Variants in ZFYVE26 observed in about 807,000 individuals in gnomAD.
ZFYVE26 encodes the protein zinc finger FYVE-type containing 26.
In ZFYVE26, 181 loss-of-function variants were observed where a neutral mutation model predicts 276.5. That is an observed-to-expected ratio of 0.65 (90% CI 0.58 to 0.74). The LOEUF is 0.74. Ranked by LOEUF, ZFYVE26 falls within the 30% of genes least tolerant of loss-of-function variation. ZFYVE26 has a pLI of 0.00. For missense variants in ZFYVE26, 2,821 were observed against 3,097.9 expected, an observed-to-expected ratio of 0.91 and a Z score of 2.12; for synonymous variants, 1,129 against 1,203.1, an observed-to-expected ratio of 0.94 and a Z score of 1.27.
chr14:67,741,242 G>A lies in ZFYVE26; in HGVS notation n.2679+9810C>T, dbSNP rs143132042. Among the ~76,000 whole-genome samples the A allele has an allele frequency of 2.3e-3, 350 of 152,298 alleles. 1 individual carries two copies. Among genetic ancestry groups the A allele is most frequent in the African/African-American group, 8.1e-3 (335 of 41,564 alleles). On this transcript the variant is annotated intron_variant and non_coding_transcript_variant, in intron 13 of 14. Coordinates refer to the ZFYVE26 transcript ENST00000394455. ...CACCTAAACAGTGTTAATCATGAGAGTAAATGTTTAGGGTATCAGGTTATG... is the reference window on the plus strand; with the variant it reads ...CACCTAAACAGTGTTAATCATGAGAATAAATGTTTAGGGTATCAGGTTATG...
chr14:67,804,742 G>T (rs886360151), intron 8 of ZFYVE26, among the ~76,000 whole-genome samples: 1 of 152,236 alleles, frequency 6.6e-6, no homozygotes, highest in Non-Finnish European at 1.5e-5. Flanking sequence ...GTAAGCATTT[G>T]TTGAATAAAA....
intron 13 of ZFYVE26, among the ~76,000 whole-genome samples, chr14:67,731,215 T>C (rs1434626063): frequency 8.5e-5 from 12 of 140,470 alleles, no homozygotes; most frequent in African/African-American, 2.7e-4. Flanking sequence ...TTCTTTTTTT[T>C]TTTTTTTTTT....
At chr14:67,815,462 T>A in intron 2 of ZFYVE26, 1 of 399,160 alleles carries the variant, frequency 2.5e-6, no homozygotes, top group Non-Finnish European at 4.7e-6. Context: ...TTTGCTTTTT[T>A]GGAGGCAAAG....
Position 67,785,105 on chromosome 14 carries a change from G to A in ZFYVE26, c.3477C>T (p.Cys1159=). The change falls in exon 19 of 42, where the codon TGC becomes TGT. Residue 1159 remains cysteine (C), a synonymous_variant. Coordinates refer to ENST00000347230, the MANE Select transcript of ZFYVE26 (RefSeq NM_015346.4). ...MDYLGTFFSY[C]STLAAVLLQS... ...GAAGGAGAACTGCAGCAAGGGTGCT[G>A]CAGTAACTGAAGAAGGTGCCCAAGT... 1 of 1,614,240 alleles carries A rather than the reference G, an allele frequency of 6.2e-7. No homozygotes were observed. The highest frequency in any genetic ancestry group is 8.5e-7 in the Non-Finnish European group (1 of 1,180,042).
rs762917905 is a variant in ZFYVE26 at position 67,783,127 on chromosome 14, C to A, written c.4025G>T (p.Arg1342Leu). The A allele has an allele frequency of 2.5e-5, 40 of 1,608,294 alleles. No individual in the cohort carries two copies. Among genetic ancestry groups the A allele is most frequent in the Non-Finnish European group, 3.4e-5 (40 of 1,176,094 alleles). The change falls in exon 21 of 42, where the codon CGC (arginine) becomes CTC (leucine). Residue 1342 changes from arginine to leucine, a missense_variant. Physicochemically the swap from Arg to Leu is moderately radical, Grantham distance 102. Coordinates refer to ENST00000347230, the MANE Select transcript of ZFYVE26 (RefSeq NM_015346.4). ...CTCTGCAGCCAGAGGCACCTCCCTGCGGCCACGAAGTTCCTTCCATGACAA... is the reference window on the plus strand; with the variant it reads ...CTCTGCAGCCAGAGGCACCTCCCTGAGGCCACGAAGTTCCTTCCATGACAA... Reference protein sequence around the residue: ...PSLSWKELRGRREVPLAAEQV... With the variant: ...PSLSWKELRGLREVPLAAEQV...
At chr14:67,804,385 C>A in intron 8 of ZFYVE26, 121 bp from the exon 9 acceptor site, 1 of 1,262,264 alleles carries the variant, frequency 7.9e-7, no homozygotes, top group Non-Finnish European at 1.1e-6. Context: ...CTTCCCTTCC[C>A]TACAATCTAA....
chr14:67,768,499 A>G lies in ZFYVE26; in HGVS notation c.5653+18T>C, dbSNP rs2039118315. 1 of 1,613,860 alleles carries G rather than the reference A, an allele frequency of 6.2e-7. No individual in the cohort carries two copies. ...AGTACACAAATGAAGAGTCACAGAG[A>G]ACGGGATTTGGCCTTACCTTCTGGT... On this transcript the variant is annotated intron_variant, in intron 30 of 41. Transcript: ENST00000347230.
Position 67,786,189 on chromosome 14 carries a change from C to A in ZFYVE26, c.3064G>T (p.Gly1022Cys). ...HVLLNADGIR[G>C]FPVVLQQISK... ...ATTTGCTGAAGAACAACTGGAAAAC[C>A]TCGAATGCCATCAGCATTTAGGAGT... The change falls in exon 17 of 42, where the codon GGT (glycine) becomes TGT (cysteine). Residue 1022 changes from glycine (G) to cysteine (C), a missense_variant. Coordinates refer to ENST00000347230, the MANE Select transcript of ZFYVE26 (RefSeq NM_015346.4). 1 of 1,607,606 alleles carries A rather than the reference C, an allele frequency of 6.2e-7. No individual in the cohort carries two copies. Among genetic ancestry groups the A allele is most frequent in the Non-Finnish European group, 8.5e-7 (1 of 1,178,552 alleles).
At chr14:67,815,489 C>T in intron 2 of ZFYVE26, 1 of 465,130 alleles carries the variant, frequency 2.1e-6, no homozygotes. Context: ...GTTTTCAATG[C>T]AGTTCCACCA....
At chr14:67,756,521 G>T in intron 35 of ZFYVE26, 2 of 240,896 alleles carry the variant, frequency 8.3e-6, no homozygotes, top group East Asian at 1.0e-4. Flanking sequence ...TTTTCTATCT[G>T]ATCAATCAGC....
At chr14:67,815,705 T>C (rs1189048987) in intron 2 of ZFYVE26, 65 bp downstream of exon 2, 1 of 1,532,176 alleles carries the variant, frequency 6.5e-7, no homozygotes, top group Admixed American at 1.7e-5. Context: ...CATTGACCAA[T>C]GCCCAAATAT....
At chr14:67,799,214 A>T (rs904327330) in intron 10 of ZFYVE26, 1 of 1,612,544 alleles carries the variant, frequency 6.2e-7, no homozygotes, top group African/African-American at 1.3e-5. Context: ...GCTGGCTGAT[A>T]TTAAACAGGC....
rs1060500989 is a variant in ZFYVE26 at position 67,785,112 on chromosome 14, C to G, written c.3470G>C (p.Ser1157Thr). The change falls in exon 19 of 42, where the codon AGT becomes ACT. Residue 1157 changes from serine (S) to threonine (T), a missense_variant. Physicochemically the swap from Ser to Thr is moderately conservative, Grantham distance 58. Transcript: ENST00000347230. ...RQMDYLGTFFSYCSTLAAVLL... is the reference protein window; with the variant it reads ...RQMDYLGTFFTYCSTLAAVLL... ...AACTGCAGCAAGGGTGCTGCAGTAA[C>G]TGAAGAAGGTGCCCAAGTAGTCCAT... 1.9e-6 allele frequency: 3 copies of G among 1,614,218 alleles called. No homozygotes were observed.
Position 67,762,214 on chromosome 14 carries a change from AGG to A in ZFYVE26, c.6356_6357del (p.Pro2119LeufsTer7), listed in dbSNP as rs752489447. On this transcript the variant is annotated frameshift_variant, in exon 34 of 42. Coordinates refer to ENST00000347230, the MANE Select transcript of ZFYVE26 (RefSeq NM_015346.4). LOFTEE classifies it high-confidence loss of function. ...TGCCTTGCTCTTACCAAGGATACAA[AGG>A]GCCTCACTGTGGACTCTAGGTACTC... ...VVEYLESTVRPFVSLQDDDYF... is the reference protein window; with the variant it reads ...VVEYLESTVRXFVSLQDDDYF... 6.2e-7 allele frequency: 1 copy of A among 1,614,122 alleles called. No homozygotes were observed. Among genetic ancestry groups the A allele is most frequent in the South Asian group, 1.1e-5 (1 of 91,072 alleles).
Position 67,814,025 on chromosome 14 carries a change from G to A in ZFYVE26, c.234C>T (p.Val78=), listed in dbSNP as rs777331673. 9 of 1,613,876 alleles carry A rather than the reference G, an allele frequency of 5.6e-6. No individual in the cohort carries two copies. In the African/African-American group the frequency reaches 1.2e-4, roughly 22 times the overall value. The stretch of plus-strand genomic sequence containing the variant: ...ACCATTTCTCCAGTACAAGAAGCCA[G>A]ACCCAGGCTACTCTTTGAGGGTTGA... The part of the protein sequence containing the change: ...QDINPQRVAW[V]WLLVLEKWLA... Residue 78 remains valine (V), a synonymous_variant, in exon 3 of 42, where the codon GTC becomes GTT. Transcript: ENST00000347230.
chr14:67,783,555 G>C, intron 20 of ZFYVE26, 30 bp from the exon 21 acceptor site: 1 of 1,608,320 alleles, frequency 6.2e-7, no homozygotes. Context: ...AAGCATACAA[G>C]GCCTGAATAC....
At position 67,807,875 on chromosome 14, in the gene ZFYVE26, C is replaced by T. The variant is rs778916063; in HGVS notation, c.409G>A (p.Asp137Asn). The change falls in exon 5 of 42, where the codon GAC becomes AAC. Residue 137 changes from aspartate (D) to asparagine (N), a missense_variant. Coordinates refer to ENST00000347230, the MANE Select transcript of ZFYVE26 (RefSeq NM_015346.4). Reference protein sequence around the residue: ...LTQGAVGHVPDGNPRRESWTP... With the variant: ...LTQGAVGHVPNGNPRRESWTP... ...CAGCTCTCCCTCCTTGGATTTCCGT[C>T]AGGCACGTGGCCTACTGCACCCTGT... is the stretch of plus-strand genomic sequence containing the variant. 5 of 1,613,976 alleles carry T rather than the reference C, an allele frequency of 3.1e-6. No individual in the cohort carries two copies. In the Admixed American group the frequency reaches 6.7e-5, roughly 22 times the overall value.
At chr14:67,770,053 A>T (rs983953278) in intron 28 of ZFYVE26, 1 of 394,018 alleles carries the variant, frequency 2.5e-6, no homozygotes, top group South Asian at 2.4e-5. Context: ...AGTGCAGATC[A>T]CATTTCTACA....
At chr14:67,814,520 AAAACAAACAAAC>A (rs201267729) in intron 2 of ZFYVE26, among the ~76,000 whole-genome samples, 112 of 151,122 alleles carry the variant, frequency 7.4e-4, no homozygotes, top group African/African-American at 2.3e-3. Flanking sequence ...CTCTGTCTCC[AAAACAAACAAAC>A]AAACAAACAA....
Sources: allele counts gnomAD v4.1 joint callset (sites outside exome capture counted in the v4.1 genomes callset), GRCh38; gene constraint gnomAD v4.1.1; transcripts MANE v1.5; gene names NCBI Gene and HGNC (gene_info 2026-07-23, HGNC 2026-07-21).